Variants in DCAF8 observed in about 807,000 individuals in gnomAD.
DCAF8 encodes DDB1- and CUL4-associated factor 8.
A neutral mutation model predicts 68.0 loss-of-function variants in DCAF8; 20 were observed. That is an observed-to-expected ratio of 0.29 (90% confidence interval 0.21 to 0.43). The LOEUF is 0.43. Among genes scored for constraint, DCAF8 ranks in the 20% least tolerant of loss-of-function variants. DCAF8 has a pLI of 1.00. For missense variants in DCAF8, 460 were observed against 771.0 expected, an observed-to-expected ratio of 0.60 and a Z score of 4.78; for synonymous variants, 230 against 276.9, an observed-to-expected ratio of 0.83 and a Z score of 1.68.
At chr1:160,237,508 A>C (rs1376759663) in intron 5 of DCAF8, among the ~76,000 whole-genome samples, 1 of 152,184 alleles carries the variant, frequency 6.6e-6, no homozygotes, top group Non-Finnish European at 1.5e-5. Context: ...ATAGCAAAGA[A>C]AAACATCAGC....
chr1:160,235,831 C>G (rs550874178), intron 6 of DCAF8, among the ~76,000 whole-genome samples: 4 of 151,852 alleles, frequency 2.6e-5, no homozygotes, highest in Non-Finnish European at 5.9e-5. Flanking sequence ...CTCCACCTCC[C>G]AGGTTCAAGC....
At chr1:160,223,903 A>G (rs532227103) in intron 10 of DCAF8, among the ~76,000 whole-genome samples, 93 of 152,344 alleles carry the variant, frequency 6.1e-4, no homozygotes, top group African/African-American at 2.1e-3. Flanking sequence ...CCTGGACAAC[A>G]GAGTGAGATC....
intron 2 of DCAF8, among the ~76,000 whole-genome samples, chr1:160,247,463 G>C (rs2101754622): frequency 6.6e-6 from 1 of 152,292 alleles, no homozygotes; most frequent in Non-Finnish European, 1.5e-5. Context: ...CTGTAAAAGA[G>C]ATACCAAGTG....
At chr1:160,260,620 CT>C (rs145856419) in intron 2 of DCAF8, among the ~76,000 whole-genome samples, 1 of 152,270 alleles carries the variant, frequency 6.6e-6, no homozygotes, top group African/African-American at 2.4e-5. Flanking sequence ...TTCTGACTCC[CT>C]TTTTGGCACC....
intron 7 of DCAF8, among the ~76,000 whole-genome samples, chr1:160,228,177 T>C (rs558760222): frequency 1.3e-5 from 2 of 152,178 alleles, no homozygotes; most frequent in Non-Finnish European, 2.9e-5. Flanking sequence ...TCCTCCAGCT[T>C]TGGCCTTCCA....
chr1:160,245,960 G>A (rs112223146), intron 2 of DCAF8, among the ~76,000 whole-genome samples: 3,540 of 152,212 alleles, frequency 0.023, 56 homozygotes, highest in Non-Finnish European at 0.035. Context: ...GCAACATGGA[G>A]AAACCCTGTC....
intron 9 of DCAF8, 64 bp downstream of exon 9, chr1:160,224,998 T>C: frequency 4.6e-6 from 7 of 1,528,580 alleles, no homozygotes; most frequent in East Asian, 4.5e-5. Context: ...CATGCCTCAC[T>C]GGCTCAGCAG....
At chr1:160,256,772 A>G (rs1330319712) in intron 2 of DCAF8, among the ~76,000 whole-genome samples, 2 of 152,180 alleles carry the variant, frequency 1.3e-5, no homozygotes, top group Admixed American at 6.5e-5. Flanking sequence ...TTACTCCCCA[A>G]TGCCCTATTG....
chr1:160,254,715 C>T (rs189763883), intron 2 of DCAF8, among the ~76,000 whole-genome samples: 5 of 151,952 alleles, frequency 3.3e-5, no homozygotes, highest in African/African-American at 1.2e-4. Context: ...TGCTTGAACC[C>T]GAGAGGGGAA....
chr1:160,262,459 G>GGCC lies in DCAF8; in HGVS notation c.-114_-112dup, dbSNP rs1339844799. ...CCGCCGCCATCTTACACTGGCCAGCGGCCGCCACCACCACCGCCTCCGCTC... is the reference window on the plus strand; with the variant it reads ...CCGCCGCCATCTTACACTGGCCAGCGGCCGCCGCCACCACCACCGCCTCCGCTC... On this transcript the variant is annotated 5_prime_UTR_variant, in exon 1 of 14. Transcript: ENST00000368074. 2.5e-6 allele frequency: 1 copy of GGCC among 401,240 alleles called. No homozygotes were observed. The highest frequency in any genetic ancestry group is 4.4e-5 in the Admixed American group (1 of 22,724). 24.9% of individuals were successfully genotyped at this position (401,240 alleles called of 1,614,324 possible). A position where few individuals can be genotyped will look rare whatever the true frequency, so the allele number is the denominator to read the frequency against.
In DCAF8 at chr1:160,248,716, A is replaced by G. The variant is rs369866840; in HGVS notation, c.-26-4682T>C. 1.1e-4 allele frequency among the ~76,000 whole-genome samples: 16 copies of G among 152,134 alleles called. No individual in the cohort carries two copies. In the East Asian group the frequency reaches 1.6e-3, roughly 15 times the overall value. On this transcript the variant is annotated intron_variant, in intron 2 of 13. Transcript: ENST00000368074. ...GACTCCATCTCAAAAAAAGAAAAAA[A>G]AAAAACTGTCACAACTAAATAATTA...
intron 2 of DCAF8, among the ~76,000 whole-genome samples, chr1:160,254,779 A>T (rs1392956347): frequency 1.3e-5 from 2 of 151,778 alleles, no homozygotes; most frequent in East Asian, 3.9e-4. Flanking sequence ...ACAAAGCAAG[A>T]CTCCATCTAA....
At chr1:160,229,054 C>CT (rs200433557) in intron 7 of DCAF8, among the ~76,000 whole-genome samples, 3,065 of 152,252 alleles carry the variant, frequency 0.02, 39 homozygotes, top group South Asian at 0.031. Flanking sequence ...AATCCCAGCA[C>CT]TTTGAGAGGC....
At chr1:160,241,917 T>C (rs918138940) in intron 3 of DCAF8, among the ~76,000 whole-genome samples, 3 of 152,212 alleles carry the variant, frequency 2.0e-5, no homozygotes, top group Admixed American at 6.5e-5. Flanking sequence ...AGTGCTTTGA[T>C]TCAAGCAGTA....
At chr1:160,241,931 G>A (rs1415712836) in intron 3 of DCAF8, among the ~76,000 whole-genome samples, 1 of 152,220 alleles carries the variant, frequency 6.6e-6, no homozygotes, top group Non-Finnish European at 1.5e-5. Context: ...AGCAGTAACA[G>A]AAGCCCAGAA....
At chr1:160,245,391 T>C (rs1656280137) in intron 2 of DCAF8, among the ~76,000 whole-genome samples, 5 of 152,210 alleles carry the variant, frequency 3.3e-5, no homozygotes, top group Non-Finnish European at 7.3e-5. Context: ...CACACTGGCC[T>C]CTAATCTTTC....
chr1:160,237,897 T>A (rs767742965), intron 5 of DCAF8, among the ~76,000 whole-genome samples: 24 of 152,202 alleles, frequency 1.6e-4, no homozygotes, highest in Non-Finnish European at 2.9e-4. Context: ...AGAAATGGTG[T>A]CCAACTTCAT....
intron 13 of DCAF8, 53 bp from the exon 14 acceptor site, chr1:160,217,761 C>A: frequency 7.0e-7 from 1 of 1,435,484 alleles, no homozygotes; most frequent in Non-Finnish European, 9.8e-7. Flanking sequence ...CAAGGACAAG[C>A]CTGTTAGGTC....
chr1:160,223,293 C>T (rs553689013), intron 10 of DCAF8, among the ~76,000 whole-genome samples: 16 of 152,334 alleles, frequency 1.1e-4, no homozygotes, highest in African/African-American at 3.8e-4. Context: ...GCCAAGAGTT[C>T]CAATGACTAT....
Sources: gnomAD v4.1 joint callset for allele counts (sites outside exome capture counted in the v4.1 genomes callset) on GRCh38, gnomAD v4.1.1 for gene constraint, MANE v1.5 for transcripts, NCBI Gene and HGNC (gene_info 2026-07-23, HGNC 2026-07-21) for gene names.